LRRC8B: variants seen among roughly 807,000 people sequenced by gnomAD.
LRRC8B encodes volume-regulated anion channel subunit LRRC8B.
A neutral mutation model predicts 58.8 loss-of-function variants in LRRC8B; 23 were observed. The observed-to-expected ratio is 0.39, with a 90% CI of 0.28 to 0.55. The LOEUF (loss-of-function observed/expected upper bound fraction) is 0.55. Among genes scored for constraint, LRRC8B ranks in the 20% least tolerant of loss-of-function variants. LRRC8B has a pLI of 0.62. For missense variants in LRRC8B, 694 were observed against 936.0 expected (o/e 0.74, Z 3.37); for synonymous variants, 359 against 374.1 (o/e 0.96, Z 0.47).
At chr1:89,545,667 G>A (rs1171969271) in intron 1 of LRRC8B, among the ~76,000 whole-genome samples, 2 of 152,204 alleles carry the variant, frequency 1.3e-5, no homozygotes, top group East Asian at 1.9e-4. Context: ...TGCACTATAT[G>A]TATGGTGAGA....
chr1:89,556,305 CTTTT>C (rs2100932324), intron 1 of LRRC8B, among the ~76,000 whole-genome samples: 1 of 152,226 alleles, frequency 6.6e-6, no homozygotes, highest in African/African-American at 2.4e-5. Flanking sequence ...AATACCTTGC[CTTTT>C]ACATCTCTTC....
chr1:89,556,284 C>T (rs1652182711), intron 1 of LRRC8B, among the ~76,000 whole-genome samples: 1 of 152,182 alleles, frequency 6.6e-6, no homozygotes, highest in Non-Finnish European at 1.5e-5. Flanking sequence ...TCCATCCTCC[C>T]ACTGCCCTCA....
At chr1:89,569,912 T>C (rs1653324952) in intron 3 of LRRC8B, among the ~76,000 whole-genome samples, 1 of 152,170 alleles carries the variant, frequency 6.6e-6, no homozygotes, top group South Asian at 2.1e-4. Context: ...CCTCTATGTG[T>C]CCATGTGTTC....
intron 1 of LRRC8B, among the ~76,000 whole-genome samples, chr1:89,545,534 A>G (rs1651336750): frequency 6.6e-6 from 1 of 152,212 alleles, no homozygotes; most frequent in Non-Finnish European, 1.5e-5. Flanking sequence ...GGCATTTACC[A>G]AGACATTTCC....
At chr1:89,549,615 A>G (rs910437014) in intron 1 of LRRC8B, among the ~76,000 whole-genome samples, 10 of 152,116 alleles carry the variant, frequency 6.6e-5, no homozygotes, top group Middle Eastern at 3.2e-3. Flanking sequence ...ATTTGAAGAG[A>G]TGTTTTGTAG....
chr1:89,554,672 A>G (rs890857113), intron 1 of LRRC8B, among the ~76,000 whole-genome samples: 8 of 152,114 alleles, frequency 5.3e-5, no homozygotes, highest in Admixed American at 2.6e-4. Context: ...CTTCATTTCT[A>G]CCTTTCTTCA....
At chr1:89,554,637 A>T (rs1418553647) in intron 1 of LRRC8B, among the ~76,000 whole-genome samples, 3 of 152,186 alleles carry the variant, frequency 2.0e-5, no homozygotes, top group Non-Finnish European at 4.4e-5. Context: ...TGTTGGTGAC[A>T]CAAGTTGGTG....
chr1:89,567,953 T>C (rs1653163670), intron 1 of LRRC8B, among the ~76,000 whole-genome samples: 1 of 152,154 alleles, frequency 6.6e-6, no homozygotes, highest in Admixed American at 6.5e-5. Flanking sequence ...CTCAGTATTG[T>C]GCCATTGAAT....
intron 1 of LRRC8B, among the ~76,000 whole-genome samples, chr1:89,554,475 C>T (rs1652036707): frequency 6.6e-6 from 1 of 152,202 alleles, no homozygotes; most frequent in African/African-American, 2.4e-5. Context: ...TTCACCAATG[C>T]ATAAGCTCCT....
intron 5 of LRRC8B, among the ~76,000 whole-genome samples, chr1:89,590,898 C>T (rs1456329742): frequency 2.0e-5 from 3 of 152,208 alleles, no homozygotes; most frequent in Non-Finnish European, 1.5e-5. Context: ...TCCCAAGAGA[C>T]ATTTGTCTGG....
At chr1:89,586,244 T>TC in intron 5 of LRRC8B, among the ~76,000 whole-genome samples, 1 of 152,270 alleles carries the variant, frequency 6.6e-6, no homozygotes, top group East Asian at 1.9e-4. Flanking sequence ...TTCTAAGAAG[T>TC]CCCCAGGTGG....
At chr1:89,573,252 A>G (rs1292407057) in intron 3 of LRRC8B, among the ~76,000 whole-genome samples, 1 of 151,880 alleles carries the variant, frequency 6.6e-6, no homozygotes, top group Non-Finnish European at 1.5e-5. Context: ...GTGAACCAAG[A>G]TCGCGCCACT....
rs756604683 is a variant in LRRC8B at position 89,584,644 on chromosome 1, A to G, written c.1994A>G (p.His665Arg). The G allele has an allele frequency of 6.8e-6, 11 of 1,614,074 alleles. No homozygotes were observed. The highest frequency in any genetic ancestry group is 1.7e-5 in the Admixed American group (1 of 60,028). ...AACCTAGAGCAGCTCTCTTTGGACC[A>G]TAATAATATTGAGAATCTGCCCTTG... is the stretch of plus-strand genomic sequence containing the variant. ...LSNLEQLSLD[H>R]NNIENLPLQL... Residue 665 changes from histidine to arginine, a missense_variant, in exon 5 of 6, where the codon CAT (histidine) becomes CGT (arginine). Coordinates refer to ENST00000330947, the MANE Select transcript of LRRC8B (RefSeq NM_001369817.2).
intron 1 of LRRC8B, among the ~76,000 whole-genome samples, chr1:89,551,098 TCCTC>T (rs1234402388): frequency 1.1e-4 from 16 of 151,958 alleles, no homozygotes; most frequent in East Asian, 9.7e-4. Context: ...TCACTGCTCT[TCCTC>T]AGGCAACACC....
At chr1:89,566,176 C>T (rs991506288) in intron 1 of LRRC8B, among the ~76,000 whole-genome samples, 1 of 152,104 alleles carries the variant, frequency 6.6e-6, no homozygotes, top group African/African-American at 2.4e-5. Context: ...TGCCCCAGCC[C>T]TCAAAGAATC....
chr1:89,594,484 A>G lies in LRRC8B; in HGVS notation c.*1441A>G, dbSNP rs1655185741. On this transcript the variant is annotated 3_prime_UTR_variant, in exon 6 of 6. Coordinates refer to ENST00000330947, the MANE Select transcript of LRRC8B (RefSeq NM_001369817.2). ...TTGGTTTTTAAATTGATTTTAAAAT[A>G]CTTTATAGAAATTTAGTAAGAGTTA... 1 of 152,174 alleles carries G rather than the reference A, an allele frequency of 6.6e-6. No individual in the cohort carries two copies. The allele number at this position is 152,174 out of a possible 1,614,324, so 9.4% of individuals were successfully genotyped here. A position where few individuals can be genotyped will look rare whatever the true frequency, so the allele number is the denominator to read the frequency against.
chr1:89,534,531 A>G (rs919574013), intron 1 of LRRC8B, among the ~76,000 whole-genome samples: 11 of 152,018 alleles, frequency 7.2e-5, no homozygotes, highest in African/African-American at 2.7e-4. Flanking sequence ...ACACACACAC[A>G]CACACACACT....
intron 5 of LRRC8B, among the ~76,000 whole-genome samples, chr1:89,590,027 G>A (rs1654880825): frequency 6.6e-6 from 1 of 152,094 alleles, no homozygotes; most frequent in South Asian, 2.1e-4. Context: ...TTATGTATGT[G>A]TGTATTATAT....
At position 89,540,938 on chromosome 1, in the gene LRRC8B, A is replaced by G. The variant is rs144296423; in HGVS notation, c.-241+15916A>G. Reference sequence around the variant, plus strand: ...TTACTGACATTTTACTAGTTTTACTATAGCTTCTAACTTTTTCAGAGAAGG... The same window carrying G: ...TTACTGACATTTTACTAGTTTTACTGTAGCTTCTAACTTTTTCAGAGAAGG... On this transcript the variant is annotated intron_variant, in intron 1 of 5. Transcript: ENST00000330947. Among the ~76,000 whole-genome samples the G allele has an allele frequency of 7.9e-5, 12 of 152,362 alleles. No individual in the cohort carries two copies. The East Asian group carries it at 2.3e-3, about 29-fold the overall frequency.
Sources: allele counts gnomAD v4.1 joint callset (sites outside exome capture counted in the v4.1 genomes callset), GRCh38; gene constraint gnomAD v4.1.1; transcripts MANE v1.5; gene names NCBI Gene and HGNC (gene_info 2026-07-23, HGNC 2026-07-21).